Variants in AKR1C8 observed in about 807,000 individuals in gnomAD.
AKR1C8 encodes the protein aldo-keto reductase family 1 member C-like protein 1.
chr10:5,140,990 T>C, the AKR1C8 span, among the ~76,000 whole-genome samples: 1 of 152,144 alleles, frequency 6.6e-6, no homozygotes, highest in Non-Finnish European at 1.5e-5. Flanking sequence ...TCATGAAAGA[T>C]TTCTCTGTAG....
the AKR1C8 span, chr10:5,123,541 A>C: frequency 1.6e-6 from 1 of 633,984 alleles, no homozygotes; most frequent in African/African-American, 1.8e-5. Context: ...AGAGCGTCTC[A>C]AGTGAGGCCC....
the AKR1C8 span, among the ~76,000 whole-genome samples, chr10:5,141,990 GC>G: frequency 6.6e-6 from 1 of 152,012 alleles, no homozygotes; most frequent in African/African-American, 2.4e-5. Context: ...TTGGTACAAG[GC>G]CCTTTCATCT....
At chr10:5,154,055 T>C in the AKR1C8 span, 1 of 379,084 alleles carries the variant, frequency 2.6e-6, no homozygotes, top group Admixed American at 3.0e-5. Context: ...CAGATCCTAC[T>C]TCCTACTCCT....
At chr10:5,117,961 T>C in the AKR1C8 span, among the ~76,000 whole-genome samples, 8 of 152,270 alleles carry the variant, frequency 5.3e-5, no homozygotes, top group Non-Finnish European at 1.0e-4. Context: ...GGGTCAAATA[T>C]GCCAACCATA....
the AKR1C8 span, among the ~76,000 whole-genome samples, chr10:5,145,992 T>C: frequency 2.0e-5 from 3 of 151,876 alleles, no homozygotes; most frequent in Admixed American, 6.6e-5. Flanking sequence ...ATGTGGCACA[T>C]ATACACCATG....
chr10:5,156,626 C>CT, the AKR1C8 span, among the ~76,000 whole-genome samples: 1 of 152,110 alleles, frequency 6.6e-6, no homozygotes, highest in Non-Finnish European at 1.5e-5. Flanking sequence ...ATCCACCACT[C>CT]TTTTTAAAAA....
the AKR1C8 span, among the ~76,000 whole-genome samples, chr10:5,140,036 A>C: frequency 6.6e-6 from 1 of 152,222 alleles, no homozygotes; most frequent in Non-Finnish European, 1.5e-5. Context: ...GCAAACAGAC[A>C]CATGAAAAAA....
At chr10:5,137,308 T>A in the AKR1C8 span, among the ~76,000 whole-genome samples, 2 of 152,124 alleles carry the variant, frequency 1.3e-5, no homozygotes, top group Non-Finnish European at 2.9e-5. Flanking sequence ...AAAGAGAATT[T>A]TAGACCAATA....
the AKR1C8 span, among the ~76,000 whole-genome samples, chr10:5,167,958 G>A: frequency 1.3e-5 from 2 of 151,858 alleles, no homozygotes; most frequent in African/African-American, 2.4e-5. Context: ...TGGTTATTAT[G>A]TTGTATGCTA....
the AKR1C8 span, among the ~76,000 whole-genome samples, chr10:5,157,980 A>G: frequency 1.3e-5 from 2 of 152,356 alleles, no homozygotes; most frequent in East Asian, 3.9e-4. Context: ...ACTGGAAACA[A>G]TAAGGCTGTC....
chr10:5,155,758 C>A, the AKR1C8 span: 10 of 472,442 alleles, frequency 2.1e-5, 1 homozygote, highest in Middle Eastern at 3.2e-4. Flanking sequence ...AGTCAAAAAT[C>A]TGAAAGGAAG....
the AKR1C8 span, among the ~76,000 whole-genome samples, chr10:5,143,146 C>A: frequency 6.6e-6 from 1 of 152,032 alleles, no homozygotes; most frequent in African/African-American, 2.4e-5. Flanking sequence ...AAGGGACCAA[C>A]TTAAAAAAAT....
chr10:5,162,951 C>T, the AKR1C8 span: 2 of 534,664 alleles, frequency 3.7e-6, no homozygotes, highest in Non-Finnish European at 7.7e-6. Context: ...TATAAGTATG[C>T]TGAATCAATA....
the AKR1C8 span, among the ~76,000 whole-genome samples, chr10:5,159,106 T>C: frequency 6.6e-6 from 1 of 152,146 alleles, no homozygotes; most frequent in Non-Finnish European, 1.5e-5. Flanking sequence ...TGACGCATGC[T>C]GCCAAAGGAC....
chr10:5,177,098 GA>G, the AKR1C8 span, among the ~76,000 whole-genome samples: 4 of 152,140 alleles, frequency 2.6e-5, no homozygotes, highest in Non-Finnish European at 4.4e-5. Flanking sequence ...CATTCAGTAT[GA>G]TATTAGCTGT....
At chr10:5,151,012 G>C in the AKR1C8 span, among the ~76,000 whole-genome samples, 1 of 152,146 alleles carries the variant, frequency 6.6e-6, no homozygotes, top group African/African-American at 2.4e-5. Flanking sequence ...TTGGTGGGTA[G>C]GGGACCAGTG....
chr10:5,141,283 G>T, the AKR1C8 span, among the ~76,000 whole-genome samples: 2 of 152,008 alleles, frequency 1.3e-5, no homozygotes, highest in Non-Finnish European at 2.9e-5. Flanking sequence ...ACATATTAAG[G>T]CTCTACTTCT....
chr10:5,125,294 T>C, the AKR1C8 span, among the ~76,000 whole-genome samples: 1 of 152,156 alleles, frequency 6.6e-6, no homozygotes, highest in Non-Finnish European at 1.5e-5. Flanking sequence ...TATTAAATAA[T>C]CTGAGGTCAT....
At chr10:5,168,272 C>G in the AKR1C8 span, among the ~76,000 whole-genome samples, 1 of 151,910 alleles carries the variant, frequency 6.6e-6, no homozygotes, top group Non-Finnish European at 1.5e-5. Context: ...TCAGACAAGC[C>G]CACAGTAGAC....
Sources: gnomAD v4.1 joint callset for allele counts (sites outside exome capture counted in the v4.1 genomes callset) on GRCh38, gnomAD v4.1.1 for gene constraint, MANE v1.5 for transcripts, NCBI Gene and HGNC (gene_info 2026-07-23, HGNC 2026-07-21) for gene names.